Variants in MACROD2 observed in about 807,000 individuals in gnomAD.
MACROD2 encodes the protein mono-ADP ribosylhydrolase 2.
A neutral mutation model predicts 70.4 loss-of-function variants in MACROD2; 36 were observed. That is an observed-to-expected ratio of 0.51 (90% CI 0.39 to 0.68). MACROD2 has a LOEUF of 0.68. MACROD2 is among the 30% of genes least tolerant of loss of function. The pLI is 0.00. For synonymous variants in MACROD2, 172 were observed against 178.8 expected, an observed-to-expected ratio of 0.96 and a Z score of 0.30; for missense variants, 496 against 538.4, an observed-to-expected ratio of 0.92 and a Z score of 0.78.
At chr20:15,292,953 T>C (rs2077554299) in intron 6 of MACROD2, among the ~76,000 whole-genome samples, 1 of 152,214 alleles carries the variant, frequency 6.6e-6, no homozygotes, top group African/African-American at 2.4e-5. Flanking sequence ...TATTATCTGA[T>C]GGAGTGAGGT....
chr20:15,803,868 C>A (rs1238838972), intron 8 of MACROD2, among the ~76,000 whole-genome samples: 1 of 152,082 alleles, frequency 6.6e-6, no homozygotes, highest in African/African-American at 2.4e-5. Flanking sequence ...TAGTAAAAAG[C>A]CAAAGATAAA....
intron 3 of MACROD2, among the ~76,000 whole-genome samples, chr20:14,481,232 T>G (rs2084660096): frequency 6.6e-6 from 1 of 152,164 alleles, no homozygotes; most frequent in Non-Finnish European, 1.5e-5. Context: ...TTAGCTCAAG[T>G]CTTTCAGCAT....
At chr20:15,113,546 C>T (rs1202292791) in intron 5 of MACROD2, among the ~76,000 whole-genome samples, 4 of 152,054 alleles carry the variant, frequency 2.6e-5, no homozygotes, top group Non-Finnish European at 2.9e-5. Flanking sequence ...ATGTGTAAAA[C>T]AAGTTGCTTT....
intron 5 of MACROD2, among the ~76,000 whole-genome samples, chr20:14,984,290 G>T (rs1051539830): frequency 6.6e-6 from 1 of 152,192 alleles, no homozygotes; most frequent in Non-Finnish European, 1.5e-5. Context: ...CCCCTGGGAT[G>T]TTCTTGGGCG....
intron 3 of MACROD2, among the ~76,000 whole-genome samples, chr20:14,153,992 C>G (rs1474142186): frequency 6.6e-6 from 1 of 152,182 alleles, no homozygotes; most frequent in Non-Finnish European, 1.5e-5. Flanking sequence ...CTGTGAAGAA[C>G]ACTAAAATGC....
At chr20:15,131,696 G>T (rs934465930) in intron 5 of MACROD2, among the ~76,000 whole-genome samples, 1 of 151,984 alleles carries the variant, frequency 6.6e-6, no homozygotes, top group African/African-American at 2.4e-5. Flanking sequence ...GAACTAGAAG[G>T]CTGTGTAGAA....
At chr20:14,423,249 GT>G (rs926151550) in intron 3 of MACROD2, among the ~76,000 whole-genome samples, 7 of 151,528 alleles carry the variant, frequency 4.6e-5, no homozygotes, top group Admixed American at 1.3e-4. Context: ...TCGAAGATAG[GT>G]TTTTTTTTGT....
intron 3 of MACROD2, among the ~76,000 whole-genome samples, chr20:14,109,736 T>C (rs184356482): frequency 6.0e-4 from 91 of 151,986 alleles, no homozygotes; most frequent in Non-Finnish European, 4.6e-4. Context: ...TAACACATTA[T>C]GAGATCAAGG....
chr20:14,275,615 G>C (rs2082245497), intron 3 of MACROD2, among the ~76,000 whole-genome samples: 1 of 151,612 alleles, frequency 6.6e-6, no homozygotes, highest in Non-Finnish European at 1.5e-5. Flanking sequence ...GGCAACAAAA[G>C]CCAAAATTGA....
At chr20:15,257,009 A>T (rs2077205364) in intron 6 of MACROD2, among the ~76,000 whole-genome samples, 1 of 152,056 alleles carries the variant, frequency 6.6e-6, no homozygotes, top group African/African-American at 2.4e-5. Context: ...TCAGATTACC[A>T]GCTTTTATGC....
intron 6 of MACROD2, among the ~76,000 whole-genome samples, chr20:15,240,158 G>A (rs1289134548): frequency 6.6e-6 from 1 of 152,150 alleles, no homozygotes; most frequent in Non-Finnish European, 1.5e-5. Flanking sequence ...CTTCTGACCT[G>A]TTCTTACCAT....
At chr20:14,086,798 G>A (rs1057027611) in intron 3 of MACROD2, among the ~76,000 whole-genome samples, 1 of 152,158 alleles carries the variant, frequency 6.6e-6, no homozygotes, top group Admixed American at 6.6e-5. Flanking sequence ...TTCTGGCCTT[G>A]TCATTGGTTG....
At chr20:14,375,354 G>A (rs2122758370) in intron 3 of MACROD2, among the ~76,000 whole-genome samples, 1 of 152,244 alleles carries the variant, frequency 6.6e-6, no homozygotes, top group Middle Eastern at 3.4e-3. Context: ...GCAGCCAGTA[G>A]ACAGAATTAT....
chr20:14,470,336 G>A (rs918437457), intron 3 of MACROD2, among the ~76,000 whole-genome samples: 4 of 152,122 alleles, frequency 2.6e-5, no homozygotes, highest in Admixed American at 6.5e-5. Flanking sequence ...GATGCTAGCC[G>A]GAGCTCTCCT....
intron 7 of MACROD2, among the ~76,000 whole-genome samples, chr20:15,469,774 C>A (rs1393798545): frequency 6.6e-6 from 1 of 152,124 alleles, no homozygotes; most frequent in African/African-American, 2.4e-5. Flanking sequence ...CCCCAGACAC[C>A]TCATCCCAAT....
chr20:16,023,194 A>G (rs2067027242), intron 15 of MACROD2, among the ~76,000 whole-genome samples: 1 of 151,662 alleles, frequency 6.6e-6, no homozygotes, highest in Non-Finnish European at 1.5e-5. Flanking sequence ...AGATGGTGCC[A>G]TCCGGGCATG....
chr20:14,014,828 G>A (rs969272244), intron 2 of MACROD2, among the ~76,000 whole-genome samples: 1 of 151,292 alleles, frequency 6.6e-6, no homozygotes, highest in Non-Finnish European at 1.5e-5. Context: ...TTTTAGATAG[G>A]GTCTTGCTGT....
At chr20:14,627,376 A>C (rs766915026) in intron 4 of MACROD2, among the ~76,000 whole-genome samples, 2 of 152,176 alleles carry the variant, frequency 1.3e-5, no homozygotes, top group Non-Finnish European at 2.9e-5. Context: ...GGAGCACAGA[A>C]GCCCAGCCCT....
chr20:15,117,572 A>G (rs567583844), intron 5 of MACROD2, among the ~76,000 whole-genome samples: 1 of 152,326 alleles, frequency 6.6e-6, no homozygotes, highest in East Asian at 1.9e-4. Context: ...GGAAAAACTC[A>G]TTCTCTCTCC....
Sources: gnomAD v4.1 joint callset for allele counts (sites outside exome capture counted in the v4.1 genomes callset) on GRCh38, gnomAD v4.1.1 for gene constraint, MANE v1.5 for transcripts, NCBI Gene and HGNC (gene_info 2026-07-23, HGNC 2026-07-21) for gene names.